MEDAG: variants seen among roughly 807,000 people sequenced by gnomAD.
MEDAG encodes the protein mesenteric estrogen-dependent adipogenesis protein.
Under a neutral mutation model 29.9 loss-of-function variants are expected in MEDAG, and 25 were observed. The observed-to-expected ratio is 0.84, with a 90% confidence interval of 0.61 to 1.17. The LOEUF (loss-of-function observed/expected upper bound fraction) is 1.17. MEDAG is among the 50% of genes most tolerant of loss of function. The pLI is 0.00. For synonymous variants in MEDAG, 158 were observed against 148.2 expected (o/e 1.07, Z -0.48); for missense variants, 398 against 372.9 (o/e 1.07, Z -0.56).
rs1364241250 is a variant in MEDAG at position 30,906,842 on chromosome 13, C to T, written c.278+49C>T. 9 of 1,411,062 alleles carry T rather than the reference C, an allele frequency of 6.4e-6. No individual in the cohort carries two copies. In the African/African-American group the frequency reaches 9.0e-5, roughly 14 times the overall value. 87.4% of individuals were successfully genotyped at this position (1,411,062 alleles called of 1,614,324 possible). A position where few individuals can be genotyped will look rare whatever the true frequency, so the allele number is the denominator to read the frequency against. On this transcript the variant is annotated intron_variant, in intron 1 of 4. Coordinates refer to ENST00000380482, the MANE Select transcript of MEDAG (RefSeq NM_032849.4). ...TGGCCCGTCGCCTGGTACCCGCAGA[C>T]GCCTCCACCCGGCTGCGGTCTCTGG...
At chr13:30,915,532 G>A (rs1353516181) in intron 1 of MEDAG, among the ~76,000 whole-genome samples, 1 of 152,054 alleles carries the variant, frequency 6.6e-6, no homozygotes, top group East Asian at 1.9e-4. Context: ...CCCAGCAAAT[G>A]GTGGTTTTCT....
At chr13:30,913,819 T>C (rs1952902607) in intron 1 of MEDAG, among the ~76,000 whole-genome samples, 1 of 152,134 alleles carries the variant, frequency 6.6e-6, no homozygotes, top group South Asian at 2.1e-4. Flanking sequence ...GGCAGGCAGA[T>C]CATTTGAGGT....
chr13:30,922,164 T>G (rs1450939723), intron 4 of MEDAG: 4 of 190,500 alleles, frequency 2.1e-5, no homozygotes, highest in Non-Finnish European at 4.3e-5. Flanking sequence ...ATTGGAAGAC[T>G]GCTGCCTTCC....
Position 30,917,514 on chromosome 13 carries a change from TA to T in MEDAG, c.388+4del, listed in dbSNP as rs777204638. ...AGACCAAAAAAGACACCTCAAAAGG[TA>T]AGTATCTATATTAGTCCATTTTCAC... On this transcript the variant is annotated splice_donor_region_variant and intron_variant, in intron 2 of 4. Coordinates refer to ENST00000380482, the MANE Select transcript of MEDAG (RefSeq NM_032849.4). 4.7e-6 allele frequency: 7 copies of T among 1,477,752 alleles called. No homozygotes were observed. In the African/African-American group the frequency reaches 9.7e-5, roughly 21 times the overall value. The allele number at this position is 1,477,752 out of a possible 1,614,324, so 91.5% of individuals were successfully genotyped here. A position where few individuals can be genotyped will look rare whatever the true frequency, so the allele number is the denominator to read the frequency against.
At chr13:30,912,373 G>A (rs1222105505) in intron 1 of MEDAG, among the ~76,000 whole-genome samples, 1 of 152,166 alleles carries the variant, frequency 6.6e-6, no homozygotes, top group Admixed American at 6.5e-5. Flanking sequence ...GAGTAAAATG[G>A]CTCTGCAAGC....
chr13:30,907,331 A>C (rs774998421), intron 1 of MEDAG, among the ~76,000 whole-genome samples: 4 of 152,228 alleles, frequency 2.6e-5, no homozygotes, highest in African/African-American at 4.8e-5. Context: ...TCGTGTTTCA[A>C]AAGTAAACAA....
At chr13:30,917,162 G>A (rs899875861) in intron 1 of MEDAG, among the ~76,000 whole-genome samples, 5 of 152,200 alleles carry the variant, frequency 3.3e-5, no homozygotes, top group African/African-American at 1.2e-4. Context: ...TAAAGTCTGA[G>A]AGCCAAGTGT....
chr13:30,906,413 G>A lies in MEDAG; in HGVS notation c.-103G>A. 7.9e-7 allele frequency: 1 copy of A among 1,262,546 alleles called. No individual in the cohort carries two copies. Among genetic ancestry groups the A allele is most frequent in the Non-Finnish European group, 1.0e-6 (1 of 978,312 alleles). The allele number at this position is 1,262,546 out of a possible 1,614,324, so 78.2% of individuals were successfully genotyped here. ...CCCCCTCCTCACCTCGCGCGCGGCTGACGCAGGCAGGGCGCCCGGCCCCTC... is the reference window on the plus strand; with the variant it reads ...CCCCCTCCTCACCTCGCGCGCGGCTAACGCAGGCAGGGCGCCCGGCCCCTC... On this transcript the variant is annotated 5_prime_UTR_variant, in exon 1 of 5. Transcript: ENST00000380482.
At chr13:30,920,985 G>A in intron 2 of MEDAG, 29 bp from the exon 3 acceptor site, 1 of 1,578,398 alleles carries the variant, frequency 6.3e-7, no homozygotes, top group Non-Finnish European at 8.7e-7. Context: ...GGACACACTT[G>A]TTTCTGAATT....
At chr13:30,921,527 C>A in intron 3 of MEDAG, 34 bp from the exon 4 acceptor site, 1 of 1,559,950 alleles carries the variant, frequency 6.4e-7, no homozygotes, top group South Asian at 1.3e-5. Context: ...TACTTATGTC[C>A]ATTAAGTCAA....
chr13:30,923,327 T>G (rs571037303), intron 4 of MEDAG, among the ~76,000 whole-genome samples: 1 of 152,082 alleles, frequency 6.6e-6, no homozygotes, highest in African/African-American at 2.4e-5. Flanking sequence ...CTTCCCTCCT[T>G]CCTCCTCTCT....
chr13:30,907,080 T>C (rs894080527), intron 1 of MEDAG, among the ~76,000 whole-genome samples: 15 of 152,316 alleles, frequency 9.8e-5, no homozygotes, highest in African/African-American at 3.6e-4. Context: ...CAGCCAGAGC[T>C]CATGAGTGGC....
chr13:30,923,640 C>T (rs1828527505), intron 4 of MEDAG, among the ~76,000 whole-genome samples: 1 of 152,168 alleles, frequency 6.6e-6, no homozygotes, highest in Non-Finnish European at 1.5e-5. Flanking sequence ...GCTGCAGTGC[C>T]ATATGTGCCT....
chr13:30,909,976 T>C (rs1952866412), intron 1 of MEDAG, among the ~76,000 whole-genome samples: 1 of 152,236 alleles, frequency 6.6e-6, no homozygotes, highest in Admixed American at 6.5e-5. Flanking sequence ...CCACCAGCTC[T>C]AAAGCTCCTT....
chr13:30,907,352 G>A (rs147196622), intron 1 of MEDAG, among the ~76,000 whole-genome samples: 194 of 152,364 alleles, frequency 1.3e-3, no homozygotes, highest in African/African-American at 4.2e-3. Flanking sequence ...ATAAACCGCA[G>A]CTGAGAAGGG....
At chr13:30,918,013 T>C (rs1281858613) in intron 2 of MEDAG, among the ~76,000 whole-genome samples, 1 of 152,170 alleles carries the variant, frequency 6.6e-6, no homozygotes, top group Non-Finnish European at 1.5e-5. Flanking sequence ...GCAAGGAGCC[T>C]GGTGGGTGAG....
At chr13:30,918,183 A>T (rs1349967958) in intron 2 of MEDAG, among the ~76,000 whole-genome samples, 1 of 152,286 alleles carries the variant, frequency 6.6e-6, no homozygotes, top group African/African-American at 2.4e-5. Context: ...AGTGATGAGG[A>T]TGATATATAA....
At chr13:30,907,236 T>C (rs1051813816) in intron 1 of MEDAG, among the ~76,000 whole-genome samples, 8 of 152,182 alleles carry the variant, frequency 5.3e-5, no homozygotes, top group Admixed American at 4.6e-4. Flanking sequence ...GCATGCACCA[T>C]TCTGAGCACT....
chr13:30,906,561 T>G lies in MEDAG; in HGVS notation c.46T>G (p.Ser16Ala), dbSNP rs1952831283. The G allele has an allele frequency of 6.4e-7, 1 of 1,571,930 alleles. No homozygotes were observed. Among genetic ancestry groups the G allele is most frequent in the Admixed American group, 1.7e-5 (1 of 57,868 alleles). The change falls in exon 1 of 5, where the codon TCC becomes GCC. Residue 16 changes from serine to alanine, a missense_variant. By Grantham distance (99) the Ser-to-Ala change is moderately conservative. Coordinates refer to ENST00000380482, the MANE Select transcript of MEDAG (RefSeq NM_032849.4). ...CEPVARPSLT[S>A]ISSGELRSLW... Reference sequence around the variant, plus strand: ...GCCGGTGGCCAGGCCGAGCCTGACCTCCATCTCGTCTGGGGAGCTTCGCAG... The same window carrying G: ...GCCGGTGGCCAGGCCGAGCCTGACCGCCATCTCGTCTGGGGAGCTTCGCAG...
Sources: allele counts gnomAD v4.1 joint callset (sites outside exome capture counted in the v4.1 genomes callset), GRCh38; gene constraint gnomAD v4.1.1; transcripts MANE v1.5; gene names NCBI Gene and HGNC (gene_info 2026-07-23, HGNC 2026-07-21).